CPS1: variants seen among roughly 807,000 people sequenced by gnomAD.
CPS1 encodes carbamoyl-phosphate synthase [ammonia], mitochondrial.
A neutral mutation model predicts 174.6 loss-of-function variants in CPS1; 109 were observed. The observed-to-expected ratio is 0.62, with a 90% confidence interval of 0.53 to 0.73. The LOEUF (loss-of-function observed/expected upper bound fraction) is 0.73. CPS1 is among the 30% of genes least tolerant of loss of function. CPS1 has a pLI of 0.00. For synonymous variants in CPS1, 637 were observed against 632.0 expected (o/e 1.01, Z -0.12); for missense variants, 1,689 against 1,821.9 (o/e 0.93, Z 1.33).
At chr2:210,668,112 A>G (rs1649526570) in intron 33 of CPS1, 74 bp from the exon 34 acceptor site, 2 of 888,812 alleles carry the variant, frequency 2.3e-6, no homozygotes, top group African/African-American at 1.7e-5. Flanking sequence ...GTGTATTTTA[A>G]TTTTAATTTT....
At chr2:210,574,757 C>G (rs958994368) in intron 2 of CPS1, among the ~76,000 whole-genome samples, 2 of 151,994 alleles carry the variant, frequency 1.3e-5, no homozygotes. Context: ...CTGTAGTTCT[C>G]TAAAACAAAG....
chr2:210,645,330 C>CA (rs773683525), intron 25 of CPS1, among the ~76,000 whole-genome samples: 1,719 of 141,274 alleles, frequency 0.012, 21 homozygotes, highest in African/African-American at 0.039. Context: ...TACTACTTTC[C>CA]AAAAAAAAAA....
chr2:210,556,791 T>A lies in CPS1; in HGVS notation c.58T>A (p.Phe20Ile). Residue 20 changes from phenylalanine to isoleucine, a missense_variant, in exon 1 of 38, where the codon TTT becomes ATT. Phe to Ile is a conservative substitution (Grantham distance 21). Coordinates refer to ENST00000233072, the MANE Select transcript of CPS1 (RefSeq NM_001875.5). Reference protein sequence around the residue: ...VVRTLKTGFGFTNVTAHQKWK... With the variant: ...VVRTLKTGFGITNVTAHQKWK... ...GAGGACACTGAAGACTGGTTTTGGC[T>A]TTACCAATGTGACTGCACACCAAAA... 1.2e-6 allele frequency: 2 copies of A among 1,613,214 alleles called. No homozygotes were observed. Among genetic ancestry groups the A allele is most frequent in the Non-Finnish European group, 1.7e-6 (2 of 1,179,416 alleles).
intron 1 of CPS1, among the ~76,000 whole-genome samples, chr2:210,539,475 T>C (rs557604053): frequency 1.3e-5 from 2 of 152,324 alleles, no homozygotes; most frequent in Admixed American, 1.3e-4. Context: ...TCTAATCTGG[T>C]AAGTTTTGTC....
intron 20 of CPS1, among the ~76,000 whole-genome samples, chr2:210,615,284 C>T (rs898218810): frequency 6.6e-6 from 1 of 151,836 alleles, no homozygotes; most frequent in Non-Finnish European, 1.5e-5. Context: ...ACTGTAATTA[C>T]AGGGAGAATT....
chr2:210,496,087 A>G (rs991245945), intron 1 of CPS1, among the ~76,000 whole-genome samples: 2 of 152,164 alleles, frequency 1.3e-5, no homozygotes, highest in African/African-American at 4.8e-5. Context: ...ATTTTTGCCA[A>G]CATGCCCTGT....
At chr2:210,528,424 C>T (rs1416790946) in intron 1 of CPS1, among the ~76,000 whole-genome samples, 1 of 151,962 alleles carries the variant, frequency 6.6e-6, no homozygotes, top group Non-Finnish European at 1.5e-5. Context: ...TATCTCCTCT[C>T]ATTATGTATT....
At chr2:210,592,740 G>A in intron 10 of CPS1, 139 bp from the exon 11 acceptor site, 1 of 761,252 alleles carries the variant, frequency 1.3e-6, no homozygotes, top group Non-Finnish European at 2.4e-6. Context: ...TTACTTAATA[G>A]TACTGTTAGT....
At chr2:210,511,334 G>A (rs1296350626) in intron 1 of CPS1, among the ~76,000 whole-genome samples, 1 of 152,004 alleles carries the variant, frequency 6.6e-6, no homozygotes, top group Non-Finnish European at 1.5e-5. Context: ...TGAACAATGA[G>A]AACACATGGA....
At chr2:210,527,777 T>G (rs1259835846) in intron 1 of CPS1, among the ~76,000 whole-genome samples, 1 of 151,858 alleles carries the variant, frequency 6.6e-6, no homozygotes, top group Non-Finnish European at 1.5e-5. Flanking sequence ...ACCTAATATA[T>G]TCTTGACAGA....
chr2:210,677,928 G>T lies in CPS1; in HGVS notation c.4446G>T (p.Lys1482Asn), dbSNP rs1417364553. The change falls in exon 38 of 38, where the codon AAG (lysine) becomes AAT (asparagine). Residue 1482 changes from lysine (K) to asparagine (N), a missense_variant. By Grantham distance (94) the Lys-to-Asn change is moderately conservative (BLOSUM62 0). Coordinates refer to ENST00000233072, the MANE Select transcript of CPS1 (RefSeq NM_001875.5). ...LFAEAVQKSRKVDSKSLFHYR... is the reference protein window; with the variant it reads ...LFAEAVQKSRNVDSKSLFHYR... Reference sequence around the variant, plus strand: ...CTGAAGCTGTGCAGAAATCTCGCAAGGTGGACTCCAAGAGTCTTTTCCACT... The same window carrying T: ...CTGAAGCTGTGCAGAAATCTCGCAATGTGGACTCCAAGAGTCTTTTCCACT... The T allele has an allele frequency of 6.2e-7, 1 of 1,614,084 alleles. No individual in the cohort carries two copies. Among genetic ancestry groups the T allele is most frequent in the Admixed American group, 1.7e-5 (1 of 60,006 alleles).
At chr2:210,649,489 T>C (rs954061387) in intron 27 of CPS1, among the ~76,000 whole-genome samples, 2 of 152,276 alleles carry the variant, frequency 1.3e-5, no homozygotes, top group African/African-American at 4.8e-5. Context: ...TAGGCAGAAA[T>C]TTGTAATAGG....
intron 1 of CPS1, among the ~76,000 whole-genome samples, chr2:210,571,308 T>C (rs1697471796): frequency 1.3e-5 from 2 of 151,890 alleles, no homozygotes. Flanking sequence ...TTGATAAGCC[T>C]AGTAAAGGAC....
intron 1 of CPS1, among the ~76,000 whole-genome samples, chr2:210,560,014 A>T (rs1697046876): frequency 6.6e-6 from 1 of 152,108 alleles, no homozygotes; most frequent in South Asian, 2.1e-4. Context: ...ATGGACTACA[A>T]GTTGTTGCAA....
intron 31 of CPS1, among the ~76,000 whole-genome samples, chr2:210,660,019 GAGTAAAT>G (rs1180174773): frequency 6.6e-6 from 1 of 152,150 alleles, no homozygotes; most frequent in African/African-American, 2.4e-5. Context: ...TATTTGGAGA[GAGTAAAT>G]AGTTCAGTTG....
chr2:210,506,427 A>T (rs1016658884), intron 1 of CPS1, among the ~76,000 whole-genome samples: 2 of 152,122 alleles, frequency 1.3e-5, no homozygotes, highest in Admixed American at 1.3e-4. Context: ...AACCACAAAG[A>T]TGGGGAAAAA....
At chr2:210,519,901 C>T (rs776539816) in intron 1 of CPS1, 4 of 483,302 alleles carry the variant, frequency 8.3e-6, no homozygotes, top group Non-Finnish European at 1.1e-5. Flanking sequence ...ATACAGTGCT[C>T]AGAGGCAGCT....
At chr2:210,533,304 A>G (rs946974516) in intron 1 of CPS1, among the ~76,000 whole-genome samples, 1 of 152,212 alleles carries the variant, frequency 6.6e-6, no homozygotes, top group African/African-American at 2.4e-5. Context: ...GATTGCAAAA[A>G]TAACAACAAT....
intron 21 of CPS1, among the ~76,000 whole-genome samples, chr2:210,620,811 C>G (rs1042289687): frequency 6.6e-6 from 1 of 151,974 alleles, no homozygotes; most frequent in African/African-American, 2.4e-5. Flanking sequence ...CCCACCAGTC[C>G]CCATCTCCAA....
Sources: allele counts gnomAD v4.1 joint callset (sites outside exome capture counted in the v4.1 genomes callset), GRCh38; gene constraint gnomAD v4.1.1; transcripts MANE v1.5; gene names NCBI Gene and HGNC (gene_info 2026-07-23, HGNC 2026-07-21).